The following CASS4 variants were observed in gnomAD, a reference collection of about 807,000 sequenced individuals.
The protein encoded by CASS4 is cas scaffolding protein family member 4.
CASS4 carries 22 observed loss-of-function variants against 54.2 expected under a neutral mutation model. The observed-to-expected ratio is 0.41, with a 90% CI of 0.29 to 0.58. CASS4 has a LOEUF of 0.58. Among genes scored for constraint, CASS4 ranks in the 20% least tolerant of loss-of-function variants. The pLI is 0.36. For missense variants in CASS4, 854 were observed against 986.7 expected, an observed-to-expected ratio of 0.87 and a Z score of 1.80; for synonymous variants, 409 against 391.5, an observed-to-expected ratio of 1.04 and a Z score of -0.53.
chr20:56,446,703 G>C (rs972559066), intron 3 of CASS4, among the ~76,000 whole-genome samples: 2 of 152,044 alleles, frequency 1.3e-5, no homozygotes, highest in African/African-American at 4.8e-5. Flanking sequence ...CCCAACTTTC[G>C]TTGTATGCAA....
At chr20:56,447,691 C>T (rs970300659) in intron 3 of CASS4, among the ~76,000 whole-genome samples, 1 of 152,214 alleles carries the variant, frequency 6.6e-6, no homozygotes, top group Admixed American at 6.5e-5. Context: ...CTGGGGCAGG[C>T]AGGTCATTTC....
At chr20:56,447,738 C>T (rs1355184998) in intron 3 of CASS4, among the ~76,000 whole-genome samples, 2 of 152,234 alleles carry the variant, frequency 1.3e-5, no homozygotes, top group Non-Finnish European at 2.9e-5. Context: ...AGCCATTCCT[C>T]CCTGGCTCTT....
chr20:56,445,503 A>G (rs1279160643), intron 2 of CASS4, among the ~76,000 whole-genome samples: 1 of 152,228 alleles, frequency 6.6e-6, no homozygotes, highest in Non-Finnish European at 1.5e-5. Flanking sequence ...CGAATAGCTC[A>G]GTATCAGAGT....
intron 1 of CASS4, among the ~76,000 whole-genome samples, chr20:56,426,557 C>CCTT (rs371368402): frequency 1.3e-5 from 2 of 151,458 alleles, no homozygotes; most frequent in East Asian, 1.9e-4. Context: ...TTTTTTTCCC[C>CCTT]CTTCTTCTTC....
chr20:56,415,431 A>G (rs909061166), intron 1 of CASS4, among the ~76,000 whole-genome samples: 2 of 152,128 alleles, frequency 1.3e-5, no homozygotes, highest in Non-Finnish European at 2.9e-5. Flanking sequence ...CCCTACAGAA[A>G]CTATCAATGC....
chr20:56,438,900 T>C (rs1980324875), intron 2 of CASS4, among the ~76,000 whole-genome samples: 1 of 152,176 alleles, frequency 6.6e-6, no homozygotes, highest in African/African-American at 2.4e-5. Flanking sequence ...AGGAATTCTG[T>C]ATGTGAGTGT....
chr20:56,444,391 C>G (rs561464034), intron 2 of CASS4, among the ~76,000 whole-genome samples: 1 of 152,354 alleles, frequency 6.6e-6, no homozygotes, highest in Admixed American at 6.5e-5. Context: ...TACACTCCCC[C>G]TGTCCTGGAC....
intron 1 of CASS4, among the ~76,000 whole-genome samples, chr20:56,420,535 C>G (rs932682644): frequency 6.6e-6 from 1 of 151,152 alleles, no homozygotes; most frequent in Non-Finnish European, 1.5e-5. Flanking sequence ...ACTACTGGTG[C>G]ACGCCACCAT....
At chr20:56,434,436 C>T (rs1303334301) in intron 1 of CASS4, among the ~76,000 whole-genome samples, 1 of 151,806 alleles carries the variant, frequency 6.6e-6, no homozygotes, top group African/African-American at 2.4e-5. Flanking sequence ...TCACAATTTA[C>T]TTATTTATTT....
Position 56,448,697 on chromosome 20 carries a change from C to T in CASS4, c.562-1902C>T, listed in dbSNP as rs147429557. On this transcript the variant is annotated intron_variant, in intron 3 of 5. Coordinates refer to ENST00000679887, the MANE Select transcript of CASS4 (RefSeq NM_020356.4). ...TTTCTTTGCAAAACCTATTTTGGTGCTCTCTTGCCTTGCTTTGGAATTTGT... is the reference window on the plus strand; with the variant it reads ...TTTCTTTGCAAAACCTATTTTGGTGTTCTCTTGCCTTGCTTTGGAATTTGT... Among the ~76,000 whole-genome samples the T allele has an allele frequency of 2.0e-4, 31 of 152,290 alleles. No homozygotes were observed. The East Asian group carries it at 6.0e-3, about 29-fold the overall frequency.
chr20:56,458,006 C>T (rs1359801102), intron 5 of CASS4, among the ~76,000 whole-genome samples: 1 of 125,734 alleles, frequency 8.0e-6, no homozygotes, highest in Non-Finnish European at 1.6e-5. Context: ...TAAAGGAAAA[C>T]TCTGTCTCAA....
chr20:56,443,469 C>CAAAAA (rs11467181), intron 2 of CASS4, among the ~76,000 whole-genome samples: 124 of 115,168 alleles, frequency 1.1e-3, no homozygotes, highest in Non-Finnish European at 1.7e-3. Flanking sequence ...ACTCCGTCTC[C>CAAAAA]AAAAAAAAAA....
chr20:56,424,485 A>G (rs969443516), intron 1 of CASS4, among the ~76,000 whole-genome samples: 1 of 152,178 alleles, frequency 6.6e-6, no homozygotes, highest in Non-Finnish European at 1.5e-5. Context: ...TCACGCCTGT[A>G]ATCCTAGCAC....
intron 1 of CASS4, among the ~76,000 whole-genome samples, chr20:56,436,224 A>G (rs1173895680): frequency 6.6e-6 from 1 of 152,052 alleles, no homozygotes. Context: ...ATCTAATAGT[A>G]ATAACAGTCA....
Position 56,459,893 on chromosome 20 carries a change from T to C in CASS4, c.*1146T>C, listed in dbSNP as rs1981521737. On this transcript the variant is annotated 3_prime_UTR_variant, in exon 6 of 6. Transcript: ENST00000679887. ...TGCCCTCTTGGAACTTATGATCTAG[T>C]AGGGGAGTCAGGCAGTAAAGCGGTG... 6.6e-6 allele frequency: 1 copy of C among 152,042 alleles called. No homozygotes were observed. Among genetic ancestry groups the C allele is most frequent in the Admixed American group, 6.6e-5 (1 of 15,252 alleles). 9.4% of individuals were successfully genotyped at this position (152,042 alleles called of 1,614,324 possible). A position where few individuals can be genotyped will look rare whatever the true frequency, so the allele number is the denominator to read the frequency against.
intron 2 of CASS4, among the ~76,000 whole-genome samples, chr20:56,439,671 G>C (rs927173): frequency 0.23 from 35,081 of 151,778 alleles, 4,085 homozygotes; most frequent in Middle Eastern, 0.28. Flanking sequence ...GACTGACCGG[G>C]ACCCTGTCTT....
At chr20:56,425,503 C>T (rs187096832) in intron 1 of CASS4, among the ~76,000 whole-genome samples, 116 of 152,298 alleles carry the variant, frequency 7.6e-4, no homozygotes, top group African/African-American at 2.7e-3. Flanking sequence ...AAGTAGTTGA[C>T]GATGTTTGGC....
chr20:56,448,750 T>A (rs1980849412), intron 3 of CASS4, among the ~76,000 whole-genome samples: 1 of 152,224 alleles, frequency 6.6e-6, no homozygotes, highest in East Asian at 1.9e-4. Context: ...CTAATATATA[T>A]GTTTTTTAAT....
chr20:56,438,999 A>G (rs1980331293), intron 2 of CASS4, among the ~76,000 whole-genome samples: 1 of 152,256 alleles, frequency 6.6e-6, no homozygotes, highest in Non-Finnish European at 1.5e-5. Flanking sequence ...TTAAAGAGAA[A>G]GGGAGCAGTA....
Sources: allele counts gnomAD v4.1 joint callset (sites outside exome capture counted in the v4.1 genomes callset), GRCh38; gene constraint gnomAD v4.1.1; transcripts MANE v1.5; gene names NCBI Gene and HGNC (gene_info 2026-07-23, HGNC 2026-07-21).